The following PRKDC variants were observed in gnomAD, a reference collection of about 807,000 sequenced individuals.
PRKDC encodes the protein protein kinase, DNA-activated, catalytic subunit, also known as DNA-dependent protein kinase catalytic subunit.
In PRKDC, 82 loss-of-function variants were observed where a neutral mutation model predicts 486.9. That is an observed-to-expected ratio of 0.17 (90% CI 0.14 to 0.20). PRKDC has a LOEUF of 0.20. Among genes scored for constraint, PRKDC ranks in the 10% least tolerant of loss-of-function variants. PRKDC has a pLI of 1.00. For synonymous variants in PRKDC, 1,895 were observed against 1,837.0 expected, an observed-to-expected ratio of 1.03 and a Z score of -0.81; for missense variants, 4,504 against 5,038.2, an observed-to-expected ratio of 0.89 and a Z score of 3.21.
Position 47,819,486 on chromosome 8 carries a change from A to T in PRKDC, c.9361T>A (p.Leu3121Ile), listed in dbSNP as rs1309186986. 1.3e-6 allele frequency: 2 copies of T among 1,495,812 alleles called. No homozygotes were observed. The highest frequency in any genetic ancestry group is 1.4e-5 in the African/African-American group (1 of 69,668). 92.7% of individuals were successfully genotyped at this position (1,495,812 alleles called of 1,614,324 possible). Residue 3121 changes from leucine to isoleucine, a missense_variant, in exon 67 of 86, where the codon TTA (leucine) becomes ATA (isoleucine). Physicochemically the swap from Leu to Ile is conservative, Grantham distance 5. Coordinates refer to ENST00000314191, the MANE Select transcript of PRKDC (RefSeq NM_006904.7). ...AATTTGGTGAGTCTACTTTGGTGTAAGAGGACATCAATACTAGAATAATTC... is the reference window on the plus strand; with the variant it reads ...AATTTGGTGAGTCTACTTTGGTGTATGAGGACATCAATACTAGAATAATTC... ...MQNYSSIDVL[L>I]HQSRLTKLQS...
intron 64 of PRKDC, 62 bp downstream of exon 64, chr8:47,823,795 AT>A: frequency 6.3e-7 from 1 of 1,579,694 alleles, no homozygotes; most frequent in South Asian, 1.1e-5. Flanking sequence ...GCTTAAAGTC[AT>A]AGTTCAGCAG....
At chr8:47,866,255 C>A (rs558447480) in intron 40 of PRKDC, among the ~76,000 whole-genome samples, 2 of 151,824 alleles carry the variant, frequency 1.3e-5, no homozygotes, top group Non-Finnish European at 2.9e-5. Context: ...AGCAGGCAAG[C>A]GGGCTGTCAT....
chr8:47,881,334 T>C (rs1480195104), intron 38 of PRKDC, 82 bp downstream of exon 38: 2 of 881,710 alleles, frequency 2.3e-6, no homozygotes, highest in Non-Finnish European at 3.5e-6. Context: ...TTTTCCATAA[T>C]AAAAAATAAA....
chr8:47,937,931 G>A (rs533877032), intron 11 of PRKDC, among the ~76,000 whole-genome samples: 2 of 152,208 alleles, frequency 1.3e-5, no homozygotes, highest in East Asian at 1.9e-4. Flanking sequence ...TCTGTGTAAC[G>A]AAGTGAGATA....
In PRKDC at chr8:47,886,004, C is replaced by A; in HGVS notation, c.4716G>T (p.Leu1572Phe). 3.1e-6 allele frequency: 5 copies of A among 1,613,884 alleles called. No homozygotes were observed. The highest frequency in any genetic ancestry group is 3.4e-6 in the Non-Finnish European group (4 of 1,179,892). ...LFSETINTEL[L>F]KNLDLAVLEL... is the part of the protein sequence containing the mutation. Reference sequence around the variant, plus strand: ...CCAATACAGCAAGATCCAGATTTTTCAATAATTCCGTGTTGATCGTTTCTG... The same window carrying A: ...CCAATACAGCAAGATCCAGATTTTTAAATAATTCCGTGTTGATCGTTTCTG... Residue 1572 changes from leucine (L) to phenylalanine (F), a missense_variant, in exon 36 of 86, where the codon TTG becomes TTT. By Grantham distance (22) the Leu-to-Phe change is conservative. Transcript: ENST00000314191.
In PRKDC at chr8:47,785,337, A is replaced by C. The variant is rs1326030026; in HGVS notation, c.10903-20T>G. ...AAAAGTCTGAAATTAGTAAGAATTT[A>C]CTATAAAGACTGATGTTTAGTTTGG... On this transcript the variant is annotated intron_variant, in intron 76 of 85. Transcript: ENST00000314191. 3 of 1,520,306 alleles carry C rather than the reference A, an allele frequency of 2.0e-6. No individual in the cohort carries two copies. In the Admixed American group the frequency reaches 6.0e-5, roughly 30 times the overall value. 94.2% of individuals were successfully genotyped at this position (1,520,306 alleles called of 1,614,324 possible).
At chr8:47,915,220 T>C (rs2089966972) in intron 23 of PRKDC, 108 bp downstream of exon 23, 4 of 617,858 alleles carry the variant, frequency 6.5e-6, no homozygotes, top group African/African-American at 3.9e-5. Flanking sequence ...TTTAGAAATA[T>C]ATAAATCACA....
chr8:47,935,067 A>G lies in PRKDC; in HGVS notation c.1448-9T>C. The G allele has an allele frequency of 6.8e-7, 1 of 1,480,000 alleles. No individual in the cohort carries two copies. Among genetic ancestry groups the G allele is most frequent in the South Asian group, 1.3e-5 (1 of 74,434 alleles). 91.7% of individuals were successfully genotyped at this position (1,480,000 alleles called of 1,614,324 possible). On this transcript the variant is annotated splice_polypyrimidine_tract_variant and intron_variant, in intron 13 of 85. Coordinates refer to ENST00000314191, the MANE Select transcript of PRKDC (RefSeq NM_006904.7). ...GATTAAACCCTGATGCACTGAAAAA[A>G]GAAAAAGAAAACAAAAATGAAGGAA...
rs923359365 is a variant in PRKDC, at chr8:47,897,441, A to C, written c.3465-147T>G. ...GCATTCGACTTATTTTTAATGTATT[A>C]TAATTAGATGCAATCAAAATAACAT... is the stretch of plus-strand genomic sequence containing the variant. On this transcript the variant is annotated intron_variant, in intron 29 of 85. Coordinates refer to ENST00000314191, the MANE Select transcript of PRKDC (RefSeq NM_006904.7). The C allele has an allele frequency of 1.2e-4, 91 of 786,546 alleles. No homozygotes were observed. In the African/African-American group the frequency reaches 1.5e-3, roughly 13 times the overall value. The allele number at this position is 786,546 out of a possible 1,614,324, so 48.7% of individuals were successfully genotyped here.
Position 47,782,435 on chromosome 8 carries a change from G to T in PRKDC, c.11339C>A (p.Ala3780Asp). Reference sequence around the variant, plus strand: ...CAGCTGCAGGGCCCTCTGGCTGCAGGCGGAGTCTTGGGCCAGGATCCCATT... The same window carrying T: ...CAGCTGCAGGGCCCTCTGGCTGCAGTCGGAGTCTTGGGCCAGGATCCCATT... Reference protein sequence around the residue: ...VMNGILAQDSACSQRALQLRT... With the variant: ...VMNGILAQDSDCSQRALQLRT... The change falls in exon 79 of 86, where the codon GCC becomes GAC. Residue 3780 changes from alanine (A) to aspartate (D), a missense_variant. Around this residue, in one of 6 missense-constraint regions of PRKDC, gnomAD observed 706 missense variants for 945.0 expected, o/e 0.75. Transcript: ENST00000314191. This position sits in a 1 kb window ranked among gnomAD's most constrained non-coding sequence, Gnocchi z 4.9. 6.3e-7 allele frequency: 1 copy of T among 1,599,220 alleles called. No homozygotes were observed.
At chr8:47,787,629 G>A (rs1411027576) in intron 76 of PRKDC, among the ~76,000 whole-genome samples, 1 of 152,212 alleles carries the variant, frequency 6.6e-6, no homozygotes, top group East Asian at 1.9e-4. Flanking sequence ...TCTGCACCCT[G>A]CAGGCTTGGG....
chr8:47,953,542 G>A, intron 7 of PRKDC, 78 bp downstream of exon 7: 2 of 1,326,142 alleles, frequency 1.5e-6, no homozygotes, highest in Admixed American at 2.0e-5. Context: ...TTGGTTAAGA[G>A]TTCAAAGAAA....
Position 47,932,522 on chromosome 8 carries a change from CATGACTT to C in PRKDC, c.1776+491_1776+497del, listed in dbSNP as rs1249378222. Among the ~76,000 whole-genome samples, 13 of 152,164 alleles carry C rather than the reference CATGACTT, an allele frequency of 8.5e-5. 1 individual carries two copies. The highest frequency in any genetic ancestry group is 5.9e-4 in the Admixed American group (9 of 15,272). Reference sequence around the variant, plus strand: ...TTCAGCTACCGCGCCAGGCCTAAGCCATGACTTATCTTTAACTCAGGCTAGGAAAATT... The same window carrying C: ...TTCAGCTACCGCGCCAGGCCTAAGCCATCTTTAACTCAGGCTAGGAAAATT... On this transcript the variant is annotated intron_variant, in intron 16 of 85. Coordinates refer to ENST00000314191, the MANE Select transcript of PRKDC (RefSeq NM_006904.7).
intron 26 of PRKDC, 35 bp downstream of exon 26, chr8:47,904,833 AT>A: frequency 7.3e-7 from 1 of 1,372,536 alleles, no homozygotes; most frequent in Non-Finnish European, 1.0e-6. Context: ...CAACTAATCG[AT>A]GGGAGTAAGA....
intron 68 of PRKDC, among the ~76,000 whole-genome samples, chr8:47,814,488 T>C (rs1312545668): frequency 1.3e-5 from 2 of 152,154 alleles, no homozygotes; most frequent in African/African-American, 2.4e-5. Context: ...AAAACTACCA[T>C]GTTAGCAAAG....
chr8:47,776,604 T>C (rs936696547), intron 85 of PRKDC, among the ~76,000 whole-genome samples: 2 of 152,222 alleles, frequency 1.3e-5, no homozygotes, highest in Non-Finnish European at 2.9e-5. Context: ...TTGGCGCCAC[T>C]GTTCCAGGGA....
intron 61 of PRKDC, among the ~76,000 whole-genome samples, chr8:47,828,899 T>G (rs1050556381): frequency 8.5e-5 from 13 of 152,372 alleles, no homozygotes; most frequent in African/African-American, 3.1e-4. Flanking sequence ...AGGCTTCTTC[T>G]GAGCATCAGC....
chr8:47,927,704 G>A, intron 20 of PRKDC, 67 bp downstream of exon 20: 1 of 1,416,742 alleles, frequency 7.1e-7, no homozygotes. Context: ...CAAGAGGATG[G>A]TGTTTCTATG....
intron 58 of PRKDC, among the ~76,000 whole-genome samples, chr8:47,835,948 T>C (rs1054328032): frequency 6.6e-6 from 1 of 152,134 alleles, no homozygotes; most frequent in Non-Finnish European, 1.5e-5. Context: ...AAAATTGTTT[T>C]GTAGAGATGG....
Sources: allele counts gnomAD v4.1 joint callset (sites outside exome capture counted in the v4.1 genomes callset), GRCh38; gene constraint gnomAD v4.1.1; regional missense constraint gnomAD v4.1.1; non-coding constraint Gnocchi (gnomAD v3.1); transcripts MANE v1.5; gene names NCBI Gene and HGNC (gene_info 2026-07-23, HGNC 2026-07-21).